Variants in CADPS2 observed in about 807,000 individuals in gnomAD.
CADPS2 encodes the protein calcium dependent secretion activator 2, also known as calcium-dependent secretion activator 2.
Under a neutral mutation model 172.5 loss-of-function variants are expected in CADPS2, and 93 were observed. The observed-to-expected ratio is 0.54, with a 90% CI of 0.46 to 0.64. The LOEUF (loss-of-function observed/expected upper bound fraction) is 0.64, where lower values mean the gene tolerates loss of function less well. CADPS2 is among the 30% of genes least tolerant of loss of function. The pLI is 0.00. For synonymous variants in CADPS2, 546 were observed against 555.2 expected (o/e 0.98, Z 0.23); for missense variants, 1,420 against 1,565.9 (o/e 0.91, Z 1.57).
chr7:122,614,788 C>T (rs2074709173), intron 6 of CADPS2, among the ~76,000 whole-genome samples: 1 of 152,186 alleles, frequency 6.6e-6, no homozygotes, highest in South Asian at 2.1e-4. Flanking sequence ...TCTACTGTTA[C>T]ATCACCAAAA....
At chr7:122,358,317 T>C (rs944464082) in intron 27 of CADPS2, among the ~76,000 whole-genome samples, 1 of 152,098 alleles carries the variant, frequency 6.6e-6, no homozygotes, top group African/African-American at 2.4e-5. Flanking sequence ...AAAAGTTTGG[T>C]TGTTTTCATA....
intron 4 of CADPS2, 69 bp downstream of exon 4, chr7:122,629,179 C>A: frequency 1.6e-6 from 2 of 1,260,078 alleles, no homozygotes; most frequent in Non-Finnish European, 2.2e-6. Flanking sequence ...ATACAAAACA[C>A]TTTTTCAGCT....
At chr7:122,721,927 C>A (rs561641577) in intron 2 of CADPS2, among the ~76,000 whole-genome samples, 11 of 152,106 alleles carry the variant, frequency 7.2e-5, no homozygotes, top group African/African-American at 2.7e-4. Flanking sequence ...ATAAACAGAA[C>A]CAAAGACAAA....
intron 1 of CADPS2, among the ~76,000 whole-genome samples, chr7:122,870,987 A>G (rs12706454): frequency 0.21 from 31,600 of 151,924 alleles, 3,517 homozygotes; most frequent in Middle Eastern, 0.27. Context: ...TTCAGAAATT[A>G]TTTTATGTAT....
chr7:122,617,002 T>C (rs535545228), intron 5 of CADPS2, among the ~76,000 whole-genome samples: 21 of 152,206 alleles, frequency 1.4e-4, no homozygotes, highest in Non-Finnish European at 2.2e-4. Flanking sequence ...GTAGCACAAA[T>C]CTAGAAATCG....
intron 1 of CADPS2, among the ~76,000 whole-genome samples, chr7:122,749,959 GT>G (rs2092879082): frequency 7.2e-6 from 1 of 139,566 alleles, no homozygotes; most frequent in South Asian, 2.3e-4. Context: ...CACCTGTGAG[GT>G]TAAAAAAAAA....
At chr7:122,689,271 G>T (rs767031014) in intron 2 of CADPS2, among the ~76,000 whole-genome samples, 23 of 152,118 alleles carry the variant, frequency 1.5e-4, no homozygotes, top group Admixed American at 9.2e-4. Flanking sequence ...TGGTTGTCAG[G>T]GATGAGTTTT....
intron 14 of CADPS2, among the ~76,000 whole-genome samples, chr7:122,454,348 C>A (rs973087565): frequency 2.0e-5 from 3 of 152,060 alleles, no homozygotes; most frequent in Non-Finnish European, 2.9e-5. Flanking sequence ...CAAGGTCACA[C>A]CGCTGGGAAA....
At chr7:122,762,500 GA>G (rs1220715726) in intron 1 of CADPS2, among the ~76,000 whole-genome samples, 1 of 152,044 alleles carries the variant, frequency 6.6e-6, no homozygotes, top group African/African-American at 2.4e-5. Context: ...CAGAAACTAA[GA>G]ACAGAGAAAA....
At chr7:122,692,069 A>G (rs1007667122) in intron 2 of CADPS2, among the ~76,000 whole-genome samples, 1 of 152,112 alleles carries the variant, frequency 6.6e-6, no homozygotes, top group Non-Finnish European at 1.5e-5. Context: ...GTCTCTTATC[A>G]AACAGAAAAG....
At chr7:122,407,837 C>T (rs555155891) in intron 19 of CADPS2, 141 bp from the exon 20 acceptor site, 73 of 794,780 alleles carry the variant, frequency 9.2e-5, no homozygotes, top group Non-Finnish European at 1.3e-4. Context: ...TAGTTTTTAA[C>T]CTGAGAAAAA....
chr7:122,699,116 T>C (rs1225683010), intron 2 of CADPS2: 2 of 540,596 alleles, frequency 3.7e-6, no homozygotes, highest in South Asian at 2.9e-5. Context: ...AAACTTTAGA[T>C]TGAAAAATAA....
chr7:122,639,105 CA>C (rs980906976), intron 3 of CADPS2, among the ~76,000 whole-genome samples: 24 of 152,012 alleles, frequency 1.6e-4, no homozygotes, highest in African/African-American at 5.8e-4. Context: ...ACATGTTTAC[CA>C]AAAAAGGAAA....
chr7:122,663,883 G>A (rs1014878605), intron 2 of CADPS2, among the ~76,000 whole-genome samples: 1 of 151,912 alleles, frequency 6.6e-6, no homozygotes, highest in Non-Finnish European at 1.5e-5. Context: ...AATGTGATTC[G>A]TGCTCTTATA....
At chr7:122,797,848 T>A (rs1313235975) in intron 1 of CADPS2, among the ~76,000 whole-genome samples, 1 of 152,228 alleles carries the variant, frequency 6.6e-6, no homozygotes, top group Non-Finnish European at 1.5e-5. Flanking sequence ...CCTGCTCATG[T>A]ACCCCTGAAC....
intron 17 of CADPS2, among the ~76,000 whole-genome samples, chr7:122,428,452 C>T (rs957459124): frequency 2.7e-4 from 39 of 144,482 alleles, no homozygotes; most frequent in Admixed American, 6.3e-4. Context: ...TATATACACA[C>T]ATATATATAT....
chr7:122,537,306 A>G (rs2062406496), intron 8 of CADPS2, among the ~76,000 whole-genome samples: 1 of 151,816 alleles, frequency 6.6e-6, no homozygotes, highest in Admixed American at 6.6e-5. Flanking sequence ...AACAAACAAA[A>G]AACAAAAGAT....
intron 7 of CADPS2, among the ~76,000 whole-genome samples, chr7:122,577,099 C>T (rs952350892): frequency 4.6e-5 from 7 of 151,964 alleles, no homozygotes; most frequent in Non-Finnish European, 8.8e-5. Flanking sequence ...ATTTCCCCTG[C>T]TTGCACTTAT....
intron 4 of CADPS2, among the ~76,000 whole-genome samples, chr7:122,626,619 G>A (rs547006306): frequency 1.4e-4 from 21 of 151,916 alleles, no homozygotes; most frequent in African/African-American, 2.7e-4. Context: ...TCAATTACAC[G>A]GCATGTTTAC....
Sources: allele counts gnomAD v4.1 joint callset (sites outside exome capture counted in the v4.1 genomes callset), GRCh38; gene constraint gnomAD v4.1.1; transcripts MANE v1.5; gene names NCBI Gene and HGNC (gene_info 2026-07-23, HGNC 2026-07-21).